Variants in ZNF143 observed in about 807,000 individuals in gnomAD.
ZNF143 encodes zinc finger protein 143.
A neutral mutation model predicts 74.1 loss-of-function variants in ZNF143; 49 were observed. The ratio of observed to expected loss-of-function variants is 0.66; its 90% CI spans 0.53 to 0.84. The LOEUF (loss-of-function observed/expected upper bound fraction) is 0.84. Ranked by LOEUF, ZNF143 falls within the 40% of genes least tolerant of loss-of-function variation. The pLI is 0.00. For synonymous variants in ZNF143, 304 were observed against 282.8 expected (o/e 1.07, Z -0.75); for missense variants, 637 against 793.4 (o/e 0.80, Z 2.37).
chr11:9,501,658 T>C (rs1357589737), intron 11 of ZNF143, among the ~76,000 whole-genome samples: 1 of 152,104 alleles, frequency 6.6e-6, no homozygotes, highest in Non-Finnish European at 1.5e-5. Flanking sequence ...ATATTTGGCA[T>C]ACAGACTCAA....
In ZNF143 at chr11:9,482,419, C is replaced by T. The variant is rs1053886732; in HGVS notation, c.645+2873C>T. 4.0e-5 allele frequency among the ~76,000 whole-genome samples: 6 copies of T among 150,670 alleles called. 1 individual carries two copies. Among genetic ancestry groups the T allele is most frequent in the African/African-American group, 1.2e-4 (5 of 40,368 alleles). On this transcript the variant is annotated intron_variant, in intron 7 of 15. Coordinates refer to ENST00000396602, the MANE Select transcript of ZNF143 (RefSeq NM_003442.6). ...TGGAGTAGCTGGGACTACAGGTGCC[C>T]GCCACCATGCCTGGCTAATTTTTTG... is the stretch of plus-strand genomic sequence containing the variant.
chr11:9,518,448 C>T (rs762133777), intron 14 of ZNF143, among the ~76,000 whole-genome samples: 2 of 152,206 alleles, frequency 1.3e-5, no homozygotes, highest in African/African-American at 4.8e-5. Context: ...TGCGGTGGCT[C>T]ACGCCTGTAA....
chr11:9,495,406 A>C (rs887132009), intron 8 of ZNF143, among the ~76,000 whole-genome samples: 5 of 152,192 alleles, frequency 3.3e-5, no homozygotes, highest in African/African-American at 1.2e-4. Flanking sequence ...GCACCACTGC[A>C]CTCCAGCCTG....
chr11:9,477,402 G>A (rs780460492), intron 5 of ZNF143, among the ~76,000 whole-genome samples: 8 of 151,768 alleles, frequency 5.3e-5, no homozygotes, highest in Admixed American at 2.6e-4. Flanking sequence ...CTACAGGTGC[G>A]CGCCACCATG....
At chr11:9,466,288 T>TTTTTC (rs1223273143) in intron 1 of ZNF143, among the ~76,000 whole-genome samples, 1 of 143,794 alleles carries the variant, frequency 7.0e-6, no homozygotes, top group Non-Finnish European at 1.5e-5. Context: ...CAGCCTAATT[T>TTTTTC]TTTTCTTTTC....
At chr11:9,517,117 G>T (rs926425936) in intron 14 of ZNF143, among the ~76,000 whole-genome samples, 1 of 151,318 alleles carries the variant, frequency 6.6e-6, no homozygotes, top group African/African-American at 2.4e-5. Context: ...GTAGAGAAAG[G>T]GTCTCACTAT....
chr11:9,479,755 G>A (rs1847165143), intron 7 of ZNF143, among the ~76,000 whole-genome samples: 1 of 152,184 alleles, frequency 6.6e-6, no homozygotes. Context: ...AGAAATGGAA[G>A]TATCACAGAA....
chr11:9,503,619 T>G (rs1490495846), intron 11 of ZNF143, among the ~76,000 whole-genome samples: 1 of 152,166 alleles, frequency 6.6e-6, no homozygotes, highest in East Asian at 1.9e-4. Flanking sequence ...ATTTGCATTT[T>G]TCTGATGGCT....
intron 7 of ZNF143, among the ~76,000 whole-genome samples, chr11:9,485,539 G>T (rs1847440313): frequency 6.6e-6 from 1 of 151,182 alleles, no homozygotes; most frequent in Non-Finnish European, 1.5e-5. Flanking sequence ...GTAGAGACAA[G>T]GTTTTGCCAT....
chr11:9,499,988 G>A (rs1848099861), intron 10 of ZNF143, among the ~76,000 whole-genome samples: 1 of 152,214 alleles, frequency 6.6e-6, no homozygotes, highest in African/African-American at 2.4e-5. Flanking sequence ...CAGTGCCCAG[G>A]CTGGTGTGCA....
At chr11:9,510,359 C>T (rs1281727830) in intron 12 of ZNF143, among the ~76,000 whole-genome samples, 1 of 152,018 alleles carries the variant, frequency 6.6e-6, no homozygotes, top group Admixed American at 6.6e-5. Flanking sequence ...CTCCTGACCT[C>T]GTGATCCGCC....
intron 5 of ZNF143, among the ~76,000 whole-genome samples, chr11:9,477,172 T>TCTC: frequency 3.5e-5 from 4 of 114,164 alleles, no homozygotes; most frequent in African/African-American, 1.1e-4. Context: ...CCTTCCTTCC[T>TCTC]CCTCTCCCTT....
chr11:9,511,774 C>T (rs1251880795), intron 12 of ZNF143, among the ~76,000 whole-genome samples: 15 of 110,840 alleles, frequency 1.4e-4, no homozygotes, highest in Admixed American at 1.1e-3. Flanking sequence ...TTTTTTGAGA[C>T]GGAGTCTTGC....
intron 11 of ZNF143, among the ~76,000 whole-genome samples, chr11:9,502,040 G>A (rs1848181868): frequency 1.5e-5 from 2 of 136,566 alleles, no homozygotes; most frequent in Non-Finnish European, 3.1e-5. Flanking sequence ...AGGTTTAAGC[G>A]ATTCTCCCAC....
At chr11:9,479,354 C>A in intron 6 of ZNF143, 118 bp from the exon 7 acceptor site, 4 of 622,228 alleles carry the variant, frequency 6.4e-6, no homozygotes, top group Non-Finnish European at 1.0e-5. Flanking sequence ...AATGAAGCCC[C>A]ATGTACTTTT....
chr11:9,485,329 T>C (rs528444598), intron 7 of ZNF143, among the ~76,000 whole-genome samples: 3 of 150,354 alleles, frequency 2.0e-5, no homozygotes, highest in African/African-American at 7.4e-5. Context: ...TGCTTTGTTG[T>C]TGTTTTTTTC....
chr11:9,475,319 G>A (rs1164091928), intron 5 of ZNF143, among the ~76,000 whole-genome samples: 1 of 152,258 alleles, frequency 6.6e-6, no homozygotes, highest in South Asian at 2.1e-4. Flanking sequence ...GAGTGCAGTG[G>A]TACAATCATA....
At chr11:9,516,086 A>C (rs1848712646) in intron 13 of ZNF143, 115 bp from the exon 14 acceptor site, 1 of 688,644 alleles carries the variant, frequency 1.5e-6, no homozygotes, top group Non-Finnish European at 2.3e-6. Context: ...TCATTCTAAA[A>C]GGCTTATTTA....
At chr11:9,518,665 C>T (rs951219658) in intron 14 of ZNF143, among the ~76,000 whole-genome samples, 42 of 150,816 alleles carry the variant, frequency 2.8e-4, no homozygotes, top group Admixed American at 1.5e-3. Flanking sequence ...TGCAGTCAGC[C>T]GAGATTGCAC....
Sources: allele counts gnomAD v4.1 joint callset (sites outside exome capture counted in the v4.1 genomes callset), GRCh38; gene constraint gnomAD v4.1.1; transcripts MANE v1.5; gene names NCBI Gene and HGNC (gene_info 2026-07-23, HGNC 2026-07-21).